The following DIAPH3 variants were observed in gnomAD, a reference collection of about 807,000 sequenced individuals.
DIAPH3 encodes the protein diaphanous related formin 3.
DIAPH3 carries 117 observed loss-of-function variants against 144.3 expected under a neutral mutation model. That is an observed-to-expected ratio of 0.81 (90% CI 0.70 to 0.95). The LOEUF (loss-of-function observed/expected upper bound fraction) is 0.95, where lower values mean the gene tolerates loss of function less well. Ranked by LOEUF, DIAPH3 falls within the 40% of genes least tolerant of loss-of-function variation. The pLI is 0.00. For synonymous variants in DIAPH3, 519 were observed against 488.9 expected (o/e 1.06, Z -0.81); for missense variants, 1,421 against 1,412.7 (o/e 1.01, Z -0.09).
chr13:59,845,589 A>G (rs2042586048), intron 22 of DIAPH3, among the ~76,000 whole-genome samples: 1 of 152,144 alleles, frequency 6.6e-6, no homozygotes, highest in Admixed American at 6.6e-5. Context: ...TCCAAAATAC[A>G]TACTGCTTAT....
At chr13:60,005,837 G>C (rs892737295) in intron 9 of DIAPH3, among the ~76,000 whole-genome samples, 1 of 152,066 alleles carries the variant, frequency 6.6e-6, no homozygotes, top group African/African-American at 2.4e-5. Context: ...AGTCTGACTA[G>C]AGCTGTTAAT....
intron 27 of DIAPH3, among the ~76,000 whole-genome samples, chr13:59,705,047 T>G (rs754301216): frequency 1.3e-5 from 2 of 152,186 alleles, no homozygotes; most frequent in Non-Finnish European, 2.9e-5. Context: ...ATGAACTGAT[T>G]TGTCCTTCCA....
chr13:59,983,200 A>T (rs1315053537), intron 13 of DIAPH3, among the ~76,000 whole-genome samples: 1 of 110,698 alleles, frequency 9.0e-6, no homozygotes, highest in Non-Finnish European at 1.9e-5. Context: ...GAGTCATTCC[A>T]AGTTTAAAAA....
chr13:60,052,283 G>A (rs2056380258), intron 4 of DIAPH3, among the ~76,000 whole-genome samples: 1 of 152,086 alleles, frequency 6.6e-6, no homozygotes, highest in South Asian at 2.1e-4. Flanking sequence ...TAAGTAAATA[G>A]GAAAGATAGA....
At chr13:59,672,069 G>T (rs1165608402) in intron 27 of DIAPH3, among the ~76,000 whole-genome samples, 1 of 152,180 alleles carries the variant, frequency 6.6e-6, no homozygotes, top group Non-Finnish European at 1.5e-5. Context: ...ATATATATGT[G>T]AATATATGCA....
intron 25 of DIAPH3, among the ~76,000 whole-genome samples, chr13:59,808,782 G>A (rs1330800740): frequency 6.6e-6 from 1 of 152,070 alleles, no homozygotes; most frequent in Non-Finnish European, 1.5e-5. Flanking sequence ...AACATAAAGT[G>A]AGACACTGAA....
In DIAPH3 at chr13:59,666,576, A is replaced by G; in HGVS notation, c.*8T>C. On this transcript the variant is annotated 3_prime_UTR_variant, in exon 28 of 28. Coordinates refer to ENST00000400324, the MANE Select transcript of DIAPH3 (RefSeq NM_001042517.2). ...GGCTTAATCATTTTTTTTAAAAACC[A>G]GTTTAACTTATAAAGCTCGTAATCT... 1 of 1,613,782 alleles carries G rather than the reference A, an allele frequency of 6.2e-7. No homozygotes were observed. Among genetic ancestry groups the G allele is most frequent in the Non-Finnish European group, 8.5e-7 (1 of 1,179,926 alleles).
chr13:59,928,517 T>C (rs544896425), intron 17 of DIAPH3, among the ~76,000 whole-genome samples: 3 of 152,298 alleles, frequency 2.0e-5, no homozygotes, highest in East Asian at 3.9e-4. Flanking sequence ...ACTTCTAATT[T>C]TATAGAGTAG....
At chr13:59,955,369 C>T (rs2049340489) in intron 17 of DIAPH3, among the ~76,000 whole-genome samples, 3 of 152,018 alleles carry the variant, frequency 2.0e-5, no homozygotes, top group Admixed American at 1.3e-4. Flanking sequence ...AAGGGCAGTT[C>T]CCCTGCACAC....
chr13:60,105,394 C>G (rs1414365379), intron 3 of DIAPH3, among the ~76,000 whole-genome samples: 1 of 152,100 alleles, frequency 6.6e-6, no homozygotes, highest in Non-Finnish European at 1.5e-5. Context: ...TAAAATTCCT[C>G]CCTCTAACCA....
chr13:59,846,155 T>C (rs1489511323), intron 22 of DIAPH3, among the ~76,000 whole-genome samples: 1 of 152,134 alleles, frequency 6.6e-6, no homozygotes, highest in Non-Finnish European at 1.5e-5. Context: ...CATGAATACA[T>C]GCTTTTTATA....
intron 20 of DIAPH3, among the ~76,000 whole-genome samples, chr13:59,887,155 T>C (rs1020123599): frequency 2.0e-5 from 3 of 152,100 alleles, no homozygotes; most frequent in Non-Finnish European, 4.4e-5. Flanking sequence ...TAGGTAATTA[T>C]GATTTTTCTC....
At chr13:60,066,317 A>T (rs1404167154) in intron 4 of DIAPH3, among the ~76,000 whole-genome samples, 1 of 152,172 alleles carries the variant, frequency 6.6e-6, no homozygotes, top group Non-Finnish European at 1.5e-5. Context: ...CTGATGAAAC[A>T]ATTACATCAC....
chr13:60,156,189 A>G (rs575396925), intron 1 of DIAPH3, among the ~76,000 whole-genome samples: 38 of 152,304 alleles, frequency 2.5e-4, no homozygotes, highest in Non-Finnish European at 5.3e-4. Flanking sequence ...CTGCCTCTGC[A>G]GTCACAACAC....
chr13:60,072,421 T>C (rs886080438), intron 4 of DIAPH3, among the ~76,000 whole-genome samples: 2 of 152,322 alleles, frequency 1.3e-5, no homozygotes, highest in Non-Finnish European at 2.9e-5. Flanking sequence ...TACATGCCTT[T>C]ACACACATGC....
At chr13:60,158,882 T>C (rs1952151688) in intron 1 of DIAPH3, among the ~76,000 whole-genome samples, 1 of 146,668 alleles carries the variant, frequency 6.8e-6, no homozygotes, top group Non-Finnish European at 1.5e-5. Context: ...TTGGGTTTAA[T>C]TGTTGCTCCT....
At chr13:60,110,645 A>G (rs2058542377) in intron 3 of DIAPH3, among the ~76,000 whole-genome samples, 1 of 152,136 alleles carries the variant, frequency 6.6e-6, no homozygotes, top group Non-Finnish European at 1.5e-5. Flanking sequence ...CTTAGTTGTA[A>G]TTGTCTCATC....
At chr13:60,045,916 C>T (rs183561685) in intron 4 of DIAPH3, among the ~76,000 whole-genome samples, 9 of 152,332 alleles carry the variant, frequency 5.9e-5, no homozygotes, top group South Asian at 4.1e-4. Context: ...ACCTATCCTA[C>T]ATCTTAGCCC....
chr13:59,877,672 A>C (rs1421953365), intron 21 of DIAPH3, among the ~76,000 whole-genome samples: 2 of 152,088 alleles, frequency 1.3e-5, no homozygotes, highest in Non-Finnish European at 2.9e-5. Context: ...TGATCATATT[A>C]CTTGCCTTAC....
Sources: allele counts gnomAD v4.1 joint callset (sites outside exome capture counted in the v4.1 genomes callset), GRCh38; gene constraint gnomAD v4.1.1; transcripts MANE v1.5; gene names NCBI Gene and HGNC (gene_info 2026-07-23, HGNC 2026-07-21).